The following DBN1 variants were observed in gnomAD, a reference collection of about 807,000 sequenced individuals.
DBN1 encodes drebrin.
A neutral mutation model predicts 83.5 loss-of-function variants in DBN1; 21 were observed. The ratio of observed to expected loss-of-function variants is 0.25; its 90% confidence interval spans 0.18 to 0.36. DBN1 has a LOEUF of 0.36. Among genes scored for constraint, DBN1 ranks in the 10% least tolerant of loss-of-function variants. The pLI is 1.00. For missense variants in DBN1, 874 were observed against 935.7 expected, an observed-to-expected ratio of 0.93 and a Z score of 0.86; for synonymous variants, 381 against 384.9, an observed-to-expected ratio of 0.99 and a Z score of 0.12.
In DBN1 at chr5:177,473,555, CGCGGACGGACGG is replaced by C. The variant is rs758350475; in HGVS notation, c.-46_-35del. On this transcript the variant is annotated 5_prime_UTR_variant, in exon 1 of 15. Coordinates refer to ENST00000393565, the MANE Select transcript of DBN1 (RefSeq NM_001363541.2). ...CCGGACCGGGCCGAACGGACAGACG[CGCGGACGGACGG>C]GCGGACGGAGGAGGAGGGAGGGAAA... 2.7e-5 allele frequency: 34 copies of C among 1,265,626 alleles called. 1 individual carries two copies. The South Asian group carries it at 5.2e-4, about 19-fold the overall frequency. The allele number at this position is 1,265,626 out of a possible 1,614,324, so 78.4% of individuals were successfully genotyped here.
chr5:177,460,952 A>G (rs1044624601), intron 8 of DBN1, among the ~76,000 whole-genome samples: 1 of 148,380 alleles, frequency 6.7e-6, no homozygotes, highest in African/African-American at 2.5e-5. Context: ...GCTAATTTTA[A>G]TTTTTTGGTA....
chr5:177,458,292 C>G lies in DBN1; in HGVS notation c.1680G>C (p.Glu560Asp), dbSNP rs139179355. The G allele has an allele frequency of 2.5e-6, 4 of 1,613,396 alleles. No individual in the cohort carries two copies. The highest frequency in any genetic ancestry group is 3.3e-5 in the Admixed American group (2 of 60,000). ...CTGGCAGCAGTGGCTCCGGAGCCACCTCATCCAGCAGGGGCACCTCTGCCA... is the reference window on the plus strand; with the variant it reads ...CTGGCAGCAGTGGCTCCGGAGCCACGTCATCCAGCAGGGGCACCTCTGCCA... ...VTLAEVPLLDEVAPEPLLPAG... is the reference protein window; with the variant it reads ...VTLAEVPLLDDVAPEPLLPAG... The change falls in exon 13 of 15, where the codon GAG (glutamate) becomes GAC (aspartate). Residue 560 changes from glutamate to aspartate, a missense_variant. Coordinates refer to ENST00000393565, the MANE Select transcript of DBN1 (RefSeq NM_001363541.2).
intron 8 of DBN1, 97 bp from the exon 9 acceptor site, chr5:177,460,800 G>A (rs1211449497): frequency 1.6e-5 from 21 of 1,308,618 alleles, no homozygotes; most frequent in Non-Finnish European, 1.4e-5. Context: ...TTGTTTTTAA[G>A]ACAGGTTCTC....
chr5:177,466,825 G>T lies in DBN1; in HGVS notation c.718C>A (p.Gln240Lys). The part of the protein sequence containing the change: ...QQIEEHRRKQ[Q>K]TLEAEEAKRR... ...TTGGCCTCTTCCGCTTCTAAAGTCT[G>T]CTGTTTCCTCCTGGAACGATAAGCA... Residue 240 changes from glutamine (Q) to lysine (K), a missense_variant, in exon 8 of 15, where the codon CAG (glutamine) becomes AAG (lysine). Gln to Lys is a moderately conservative substitution (Grantham distance 53, BLOSUM62 1). Transcript: ENST00000393565. The surrounding 1 kb of genome is among the most constrained non-coding windows in gnomAD (Gnocchi z 4.8). The T allele has an allele frequency of 1.9e-6, 3 of 1,614,150 alleles. No homozygotes were observed. Among genetic ancestry groups the T allele is most frequent in the Non-Finnish European group, 2.5e-6 (3 of 1,180,002 alleles).
chr5:177,458,598 C>T lies in DBN1; in HGVS notation c.1374G>A (p.Arg458=), dbSNP rs1357745932. 6.2e-7 allele frequency: 1 copy of T among 1,612,976 alleles called. No homozygotes were observed. The highest frequency in any genetic ancestry group is 1.1e-5 in the South Asian group (1 of 91,018). The part of the protein sequence containing the change: ...EEPPQAQAPP[R]GPGSPAEDLM... ...AGTCCTCTGCAGGGCTGCCTGGCCC[C>T]CGGGGAGGCGCCTGTGCCTGAGGGG... Residue 458 remains arginine (R), a synonymous_variant, in exon 13 of 15, where the codon CGG becomes CGA. Transcript: ENST00000393565.
At chr5:177,457,832 T>A (rs780520515) in intron 13 of DBN1, 75 bp from the exon 14 acceptor site, 2 of 1,042,600 alleles carry the variant, frequency 1.9e-6, no homozygotes, top group Admixed American at 4.3e-5. Flanking sequence ...TGAGCCCGTT[T>A]CCCCAGCAAC....
At chr5:177,461,155 G>A (rs539952834) in intron 8 of DBN1, among the ~76,000 whole-genome samples, 2 of 137,192 alleles carry the variant, frequency 1.5e-5, no homozygotes, top group African/African-American at 5.6e-5. Context: ...CTGGAGTGCA[G>A]TGGCGGGATC....
At chr5:177,469,362 C>T (rs1208695319) in intron 1 of DBN1, among the ~76,000 whole-genome samples, 1 of 152,092 alleles carries the variant, frequency 6.6e-6, no homozygotes, top group Non-Finnish European at 1.5e-5. Flanking sequence ...GTGCTCCCAA[C>T]AGCTCTGGGC....
At position 177,473,500 on chromosome 5, in the gene DBN1, C is replaced by T; in HGVS notation, c.22G>A (p.Gly8Ser). MAGVSFS[G>S]HRLELLAAYE... ...GCCGCCAGCAGCTCCAGGCGGTGGC[C>T]GCTGAAGCTGACGCCGGCCATGCTT... The change falls in exon 1 of 15, where the codon GGC (glycine) becomes AGC (serine). Residue 8 changes from glycine (G) to serine (S), a missense_variant. Physicochemically the swap from Gly to Ser is moderately conservative, Grantham distance 56. This residue lies in a region of DBN1 where 82 missense variants were observed against 101.7 expected (regional missense o/e 0.81). Transcript: ENST00000393565. 3 of 1,431,980 alleles carry T rather than the reference C, an allele frequency of 2.1e-6. No homozygotes were observed. Among genetic ancestry groups the T allele is most frequent in the African/African-American group, 2.9e-5 (2 of 68,062 alleles). The allele number at this position is 1,431,980 out of a possible 1,614,324, so 88.7% of individuals were successfully genotyped here.
intron 1 of DBN1, chr5:177,472,358 A>C: frequency 6.7e-7 from 1 of 1,486,302 alleles, no homozygotes; most frequent in South Asian, 1.4e-5. Context: ...CCCATCTGCC[A>C]GCAGGGAGAG....
chr5:177,459,571 C>T, intron 11 of DBN1, 32 bp downstream of exon 11: 3 of 1,467,906 alleles, frequency 2.0e-6, no homozygotes, highest in Non-Finnish European at 1.8e-6. Flanking sequence ...CCCTCCTTAC[C>T]ACCCCCGCCG....
At chr5:177,465,407 G>A (rs1422168433) in intron 8 of DBN1, among the ~76,000 whole-genome samples, 1 of 152,242 alleles carries the variant, frequency 6.6e-6, no homozygotes, top group Non-Finnish European at 1.5e-5. Flanking sequence ...AAGTGGAATG[G>A]TCGTTGCCAG....
rs538160706 is a variant in DBN1 at position 177,457,338 on chromosome 5, G to A, written c.*95C>T. 1.5e-5 allele frequency: 16 copies of A among 1,056,488 alleles called. No individual in the cohort carries two copies. The highest frequency in any genetic ancestry group is 7.7e-5 in the South Asian group (6 of 77,960). 65.4% of individuals were successfully genotyped at this position (1,056,488 alleles called of 1,614,324 possible). The stretch of plus-strand genomic sequence containing the variant: ...CCGGAATCCGGAGTGGGTGCCAGGC[G>A]GAGCTGCTGCGAATGCAGGCACGGC... On this transcript the variant is annotated 3_prime_UTR_variant, in exon 15 of 15. Transcript: ENST00000393565.
rs1206415287 is a variant in DBN1, at chr5:177,463,693, G to C, written c.772-2990C>G. On this transcript the variant is annotated intron_variant, in intron 8 of 14. Transcript: ENST00000393565. ...CACTCTCACGTGAACTATACTTGAA[G>C]GGCCAGATGGGACTATAAAATAATG... Among the ~76,000 whole-genome samples, 3 of 152,212 alleles carry C rather than the reference G, an allele frequency of 2.0e-5. No homozygotes were observed. In the East Asian group the frequency reaches 5.8e-4, roughly 29 times the overall value.
Position 177,458,274 on chromosome 5 carries a change from C to A in DBN1, c.1698G>T (p.Leu566=). 1 of 1,613,736 alleles carries A rather than the reference C, an allele frequency of 6.2e-7. No homozygotes were observed. Reference sequence around the variant, plus strand: ...TGGCACAGCCTTCGCCTGCTGGCAGCAGTGGCTCCGGAGCCACCTCATCCA... The same window carrying A: ...TGGCACAGCCTTCGCCTGCTGGCAGAAGTGGCTCCGGAGCCACCTCATCCA... ...PLLDEVAPEP[L]LPAGEGCATL... Residue 566 remains leucine (L), a synonymous_variant, in exon 13 of 15, where the codon CTG becomes CTT. Coordinates refer to ENST00000393565, the MANE Select transcript of DBN1 (RefSeq NM_001363541.2).
Position 177,460,637 on chromosome 5 carries a change from C to G in DBN1, c.831+7G>C, listed in dbSNP as rs1484201915. Reference sequence around the variant, plus strand: ...TGCCTCACCTGGCTGGTGCCCCCAGCTCTCACCTCCACCTCCGACTCTGAC... The same window carrying G: ...TGCCTCACCTGGCTGGTGCCCCCAGGTCTCACCTCCACCTCCGACTCTGAC... On this transcript the variant is annotated splice_region_variant and intron_variant, in intron 9 of 14. Transcript: ENST00000393565. 1 of 1,614,186 alleles carries G rather than the reference C, an allele frequency of 6.2e-7. No individual in the cohort carries two copies. The highest frequency in any genetic ancestry group is 1.7e-5 in the Admixed American group (1 of 60,028).
chr5:177,462,064 G>A (rs1757082273), intron 8 of DBN1, among the ~76,000 whole-genome samples: 1 of 151,874 alleles, frequency 6.6e-6, no homozygotes. Flanking sequence ...TGTGCCACCC[G>A]CTCACCCCCG....
At chr5:177,459,398 C>T in intron 11 of DBN1, 130 bp from the exon 12 acceptor site, 4 of 1,445,718 alleles carry the variant, frequency 2.8e-6, no homozygotes, top group Non-Finnish European at 3.6e-6. Context: ...CCAGCCCCAC[C>T]AGGGGCCAGA....
chr5:177,458,988 C>T, intron 12 of DBN1, 110 bp downstream of exon 12: 1 of 1,508,908 alleles, frequency 6.6e-7, no homozygotes, highest in Non-Finnish European at 8.8e-7. Context: ...GCAGTGCAGT[C>T]TTGGTGATGG....
Sources: allele counts gnomAD v4.1 joint callset (sites outside exome capture counted in the v4.1 genomes callset), GRCh38; gene constraint gnomAD v4.1.1; regional missense constraint gnomAD v4.1.1; non-coding constraint Gnocchi (gnomAD v3.1); transcripts MANE v1.5; gene names NCBI Gene and HGNC (gene_info 2026-07-23, HGNC 2026-07-21).